Variants in RANBP2 observed in about 807,000 individuals in gnomAD.
RANBP2 encodes RAN binding protein 2.
In RANBP2, 57 loss-of-function variants were observed where a neutral mutation model predicts 303.6. The observed-to-expected ratio is 0.19, with a 90% CI of 0.15 to 0.23. The LOEUF (loss-of-function observed/expected upper bound fraction) is 0.23, where lower values mean the gene tolerates loss of function less well. Ranked by LOEUF, RANBP2 falls within the 10% of genes least tolerant of loss-of-function variation. RANBP2 has a pLI of 1.00. For missense variants in RANBP2, 3,138 were observed against 3,780.8 expected (o/e 0.83, Z 4.46); for synonymous variants, 1,167 against 1,301.5 (o/e 0.90, Z 2.23).
the RANBP2 span, among the ~76,000 whole-genome samples, chr2:109,200,031 G>A: frequency 6.6e-6 from 1 of 151,934 alleles, no homozygotes; most frequent in Non-Finnish European, 1.5e-5. Context: ...GTGATGCATG[G>A]GACAGCCCCC....
the RANBP2 span, among the ~76,000 whole-genome samples, chr2:109,683,215 A>G: frequency 1.3e-5 from 2 of 152,152 alleles, no homozygotes; most frequent in South Asian, 4.2e-4. Flanking sequence ...CATATTGGCC[A>G]GGCTGGTCTC....
the RANBP2 span, among the ~76,000 whole-genome samples, chr2:109,190,126 C>T: frequency 3.9e-5 from 6 of 152,218 alleles, no homozygotes; most frequent in African/African-American, 7.2e-5. Context: ...TGAATATTAA[C>T]AAACACTGTG....
chr2:109,525,980 A>G, the RANBP2 span, among the ~76,000 whole-genome samples: 2 of 152,090 alleles, frequency 1.3e-5, no homozygotes, highest in South Asian at 4.2e-4. Context: ...ACTGTGGCCC[A>G]GTGAGTGGGG....
chr2:109,751,547 G>C, the RANBP2 span, among the ~76,000 whole-genome samples: 1 of 139,740 alleles, frequency 7.2e-6, no homozygotes, highest in African/African-American at 2.6e-5. Flanking sequence ...GAATCTGGGG[G>C]GCTGTCTTAG....
chr2:109,232,855 A>T, the RANBP2 span, among the ~76,000 whole-genome samples: 1 of 152,332 alleles, frequency 6.6e-6, no homozygotes. Flanking sequence ...GGTTCAATTT[A>T]TACACAGTAG....
the RANBP2 span, chr2:108,911,145 C>T: frequency 2.5e-6 from 4 of 1,585,066 alleles, no homozygotes; most frequent in South Asian, 1.1e-5. Flanking sequence ...GGACTCCGGC[C>T]CCTGGAAGCA....
chr2:109,129,352 TCCCCGCC>T, the RANBP2 span: 9 of 871,220 alleles, frequency 1.0e-5, no homozygotes, highest in Non-Finnish European at 1.6e-5. Context: ...CGCAGGCCGG[TCCCCGCC>T]ACGCAGGCCG....
At chr2:108,909,442 T>TGAATCACAGGAAGATCATG in the RANBP2 span, among the ~76,000 whole-genome samples, 1 of 151,412 alleles carries the variant, frequency 6.6e-6, no homozygotes, top group East Asian at 2.0e-4. Flanking sequence ...CTTTGCAAGG[T>TGAATCACAGGAAGATCATG]GAATCATAGG....
the RANBP2 span, among the ~76,000 whole-genome samples, chr2:109,419,819 G>A: frequency 6.6e-6 from 1 of 152,216 alleles, no homozygotes; most frequent in Admixed American, 6.5e-5. Context: ...AAAGTCTAGC[G>A]GTTCCTTCTG....
At chr2:109,216,533 G>A in the RANBP2 span, among the ~76,000 whole-genome samples, 1 of 152,212 alleles carries the variant, frequency 6.6e-6, no homozygotes, top group Non-Finnish European at 1.5e-5. Context: ...CCTTGCTTCT[G>A]TGATACAGAA....
At chr2:109,633,520 G>A in the RANBP2 span, among the ~76,000 whole-genome samples, 1 of 152,168 alleles carries the variant, frequency 6.6e-6, no homozygotes, top group Non-Finnish European at 1.5e-5. Context: ...CAGGGAAGCA[G>A]CTACCACCCT....
At chr2:109,460,096 A>G in the RANBP2 span, among the ~76,000 whole-genome samples, 1 of 152,224 alleles carries the variant, frequency 6.6e-6, no homozygotes, top group East Asian at 1.9e-4. Context: ...AGTGAGTTCC[A>G]TGCACACGAG....
the RANBP2 span, among the ~76,000 whole-genome samples, chr2:109,478,799 G>A: frequency 2.0e-5 from 3 of 152,286 alleles, no homozygotes; most frequent in Admixed American, 2.0e-4. Flanking sequence ...GCTCATGACA[G>A]GTGAGAATGA....
At chr2:109,373,628 C>T in the RANBP2 span, among the ~76,000 whole-genome samples, 1 of 152,048 alleles carries the variant, frequency 6.6e-6, no homozygotes, top group African/African-American at 2.4e-5. Flanking sequence ...GAAGTCAGAG[C>T]AGTAGTGACC....
At chr2:108,907,975 C>T in the RANBP2 span, 4 of 1,612,562 alleles carry the variant, frequency 2.5e-6, no homozygotes, top group Non-Finnish European at 3.4e-6. Flanking sequence ...ACTGTCGACG[C>T]TCCGGCTCAG....
At chr2:109,223,448 G>A in the RANBP2 span, among the ~76,000 whole-genome samples, 9 of 152,214 alleles carry the variant, frequency 5.9e-5, no homozygotes, top group Admixed American at 5.9e-4. Flanking sequence ...GTTATTTCAG[G>A]CATTGTCCCC....
the RANBP2 span, among the ~76,000 whole-genome samples, chr2:109,699,001 A>G: frequency 5.3e-5 from 8 of 152,170 alleles, no homozygotes; most frequent in East Asian, 1.5e-3. Context: ...TTGGTTGGAG[A>G]GGTTTGTTTG....
Position 108,730,790 on chromosome 2 carries a change from A to C in RANBP2, c.157A>C (p.Ile53Leu), listed in dbSNP as rs576290342. The change falls in exon 3 of 29, where the codon ATT (isoleucine) becomes CTT (leucine). Residue 53 changes from isoleucine (I) to leucine (L), a missense_variant. Physicochemically the swap from Ile to Leu is conservative, Grantham distance 5 (BLOSUM62 2). Coordinates refer to ENST00000283195, the MANE Select transcript of RANBP2 (RefSeq NM_006267.5). Reference protein sequence around the residue: ...DLAKKYICTYINVQERDPKAH... With the variant: ...DLAKKYICTYLNVQERDPKAH... ...AAAAAACAGATACATATGTACTTAC[A>C]TTAATGTGCAAGAGAGGGATCCCAA... is the stretch of plus-strand genomic sequence containing the variant. The C allele has an allele frequency of 1.9e-5, 31 of 1,611,626 alleles. No individual in the cohort carries two copies. In the African/African-American group the frequency reaches 4.0e-4, roughly 21 times the overall value.
the RANBP2 span, among the ~76,000 whole-genome samples, chr2:109,631,015 G>A: frequency 2.0e-5 from 3 of 152,310 alleles, no homozygotes; most frequent in Admixed American, 6.5e-5. Flanking sequence ...GCAGTGAACC[G>A]AGGTCACGGC....
Sources: gnomAD v4.1 joint callset for allele counts (sites outside exome capture counted in the v4.1 genomes callset) on GRCh38, gnomAD v4.1.1 for gene constraint, MANE v1.5 for transcripts, NCBI Gene and HGNC (gene_info 2026-07-23, HGNC 2026-07-21) for gene names.